PEAR1: variants seen among roughly 807,000 people sequenced by gnomAD.
The protein encoded by PEAR1 is platelet endothelial aggregation receptor 1.
Under a neutral mutation model 131.2 loss-of-function variants are expected in PEAR1, and 113 were observed. The observed-to-expected ratio is 0.86, with a 90% confidence interval of 0.74 to 1.01. The LOEUF (loss-of-function observed/expected upper bound fraction) is 1.01. Ranked by LOEUF, PEAR1 falls within the 50% of genes least tolerant of loss-of-function variation. PEAR1 has a pLI of 0.00. For synonymous variants in PEAR1, 565 were observed against 523.3 expected (o/e 1.08, Z -1.09); for missense variants, 1,408 against 1,391.1 (o/e 1.01, Z -0.19).
chr1:156,906,759 C>T lies in PEAR1; in HGVS notation c.523C>T (p.Leu175Phe), dbSNP rs1282338925. Residue 175 changes from leucine (L) to phenylalanine (F), a missense_variant, in exon 6 of 23, where the codon CTT becomes TTT. By Grantham distance (22) the Leu-to-Phe change is conservative. Transcript: ENST00000292357. ...TTCTGGTCTGCAGCCCCCGAACTGC[C>T]TTCAGCCCTGTACCCCTGGCTACTA... is the stretch of plus-strand genomic sequence containing the variant. Reference protein sequence around the residue: ...CPSGLQPPNCLQPCTPGYYGP... With the variant: ...CPSGLQPPNCFQPCTPGYYGP... 1 of 1,614,246 alleles carries T rather than the reference C, an allele frequency of 6.2e-7. No homozygotes were observed. Among genetic ancestry groups the T allele is most frequent in the East Asian group, 2.2e-5 (1 of 44,886 alleles).
intron 15 of PEAR1, among the ~76,000 whole-genome samples, chr1:156,911,746 G>A (rs2101536236): frequency 6.6e-6 from 1 of 152,272 alleles, no homozygotes; most frequent in Non-Finnish European, 1.5e-5. Flanking sequence ...TTTGGAAAGA[G>A]GAAACAGGCT....
intron 2 of PEAR1, 140 bp downstream of exon 2, chr1:156,904,167 T>C (rs896966335): frequency 6.6e-5 from 46 of 692,312 alleles, no homozygotes; most frequent in Non-Finnish European, 9.6e-5. Context: ...CCTATTTCTC[T>C]GTTTCTGCTC....
In PEAR1 at chr1:156,908,529, C is replaced by T; in HGVS notation, c.1116-126C>T. On this transcript the variant is annotated intron_variant, in intron 9 of 22. Coordinates refer to ENST00000292357, the MANE Select transcript of PEAR1 (RefSeq NM_001080471.3). The surrounding 1 kb of genome is among the most constrained non-coding windows in gnomAD (Gnocchi z 4.2). ...CCCCAACCCAGTTTTCAGAATAGCG[C>T]GGAGCCTCCCTAGTGACCCCCTTAC... The T allele has an allele frequency of 2.5e-6, 3 of 1,210,670 alleles. No homozygotes were observed. The highest frequency in any genetic ancestry group is 3.4e-6 in the Non-Finnish European group (3 of 893,606). The allele number at this position is 1,210,670 out of a possible 1,614,324, so 75.0% of individuals were successfully genotyped here.
In PEAR1 at chr1:156,910,652, G is replaced by T; in HGVS notation, c.1860G>T (p.Val620=). 3 of 1,614,148 alleles carry T rather than the reference G, an allele frequency of 1.9e-6. No homozygotes were observed. The highest frequency in any genetic ancestry group is 2.5e-6 in the Non-Finnish European group (3 of 1,180,036). ...CTGGCCGCTATGGCAAACGCTGTGT[G>T]CCCTGCAAGTGCGCTAACCACTCCT... ...CQPGRYGKRC[V]PCKCANHSFC... The change falls in exon 15 of 23, where the codon GTG becomes GTT. Residue 620 remains valine, a synonymous_variant. Transcript: ENST00000292357.
Position 156,908,030 on chromosome 1 carries a change from C to T in PEAR1, c.881C>T (p.Ala294Val), listed in dbSNP as rs1432822384. ...CGATTCACTGGGCAGTGCCGCTGCG[C>T]TCCGGGTTACACTGGGGATCGGTGA... is the stretch of plus-strand genomic sequence containing the variant. ...CDRFTGQCRC[A>V]PGYTGDRCRE... is the part of the protein sequence containing the mutation. The change falls in exon 8 of 23, where the codon GCT becomes GTT. Residue 294 changes from alanine to valine, a missense_variant. Ala to Val is a moderately conservative substitution (Grantham distance 64, BLOSUM62 0). Transcript: ENST00000292357. The surrounding 1 kb of genome is among the most constrained non-coding windows in gnomAD (Gnocchi z 4.2). 1 of 1,574,960 alleles carries T rather than the reference C, an allele frequency of 6.3e-7. No homozygotes were observed. Among genetic ancestry groups the T allele is most frequent in the Non-Finnish European group, 8.6e-7 (1 of 1,160,122 alleles).
intron 2 of PEAR1, among the ~76,000 whole-genome samples, chr1:156,904,263 C>G (rs1393942182): frequency 6.6e-6 from 1 of 152,118 alleles, no homozygotes; most frequent in Non-Finnish European, 1.5e-5. Flanking sequence ...TCTCTTTCCC[C>G]GTCCCTTAGT....
chr1:156,907,818 G>T (rs1033408196), intron 7 of PEAR1, 88 bp downstream of exon 7: 25 of 1,566,102 alleles, frequency 1.6e-5, no homozygotes, highest in Non-Finnish European at 2.1e-5. Flanking sequence ...GGTGAGTGAG[G>T]GGGGTGAGCT....
At chr1:156,904,923 C>T (rs749284708) in intron 3 of PEAR1, 71 bp downstream of exon 3, 2 of 1,600,960 alleles carry the variant, frequency 1.2e-6, no homozygotes, top group Admixed American at 1.7e-5. Flanking sequence ...CCCTGGCCCT[C>T]TGTACCTGTT....
chr1:156,905,058 T>C (rs1650091362), intron 3 of PEAR1: 14 of 1,461,110 alleles, frequency 9.6e-6, no homozygotes, highest in Non-Finnish European at 1.3e-5. Flanking sequence ...TACGCATGCA[T>C]GTTACAGTAT....
Position 156,908,229 on chromosome 1 carries a change from T to G in PEAR1, c.1004T>G (p.Leu335Arg). The G allele has an allele frequency of 6.2e-7, 1 of 1,602,116 alleles. No homozygotes were observed. ...TGCTTCCCGGCCAACGGCGCATGTCTGTGCGAACACGGCTTCACTGGGGAC... is the reference window on the plus strand; with the variant it reads ...TGCTTCCCGGCCAACGGCGCATGTCGGTGCGAACACGGCTTCACTGGGGAC... ...ARCFPANGAC[L>R]CEHGFTGDRC... is the part of the protein sequence containing the mutation. Residue 335 changes from leucine (L) to arginine (R), a missense_variant, in exon 9 of 23, where the codon CTG becomes CGG. By Grantham distance (102) the Leu-to-Arg change is moderately radical. Transcript: ENST00000292357. The surrounding 1 kb of genome is among the most constrained non-coding windows in gnomAD (Gnocchi z 4.2).
intron 18 of PEAR1, 30 bp downstream of exon 18, chr1:156,913,012 T>C: frequency 6.2e-7 from 1 of 1,612,214 alleles, no homozygotes; most frequent in Non-Finnish European, 8.5e-7. Context: ...GGGGCACAGA[T>C]GAGTGGCTGG....
In PEAR1 at chr1:156,907,612, G is replaced by C. The variant is rs761834134; in HGVS notation, c.647G>C (p.Cys216Ser). Residue 216 changes from cysteine to serine, a missense_variant and splice_region_variant, in exon 7 of 23, where the codon TGT becomes TCT. Transcript: ENST00000292357. Reference protein sequence around the residue: ...FCPAERTGPSCDVSCSQGTSG... With the variant: ...FCPAERTGPSSDVSCSQGTSG... ...ACTCCACCCACTCTGTCCTGCAGCT[G>C]TGACGTGTCCTGTTCCCAGGGCACT... is the stretch of plus-strand genomic sequence containing the variant. 1 of 1,611,480 alleles carries C rather than the reference G, an allele frequency of 6.2e-7. No individual in the cohort carries two copies. The highest frequency in any genetic ancestry group is 1.7e-5 in the Admixed American group (1 of 59,478).
chr1:156,914,094 A>G lies in PEAR1; in HGVS notation c.2956A>G (p.Ile986Val). The G allele has an allele frequency of 6.3e-7, 1 of 1,592,810 alleles. No individual in the cohort carries two copies. Residue 986 changes from isoleucine to valine, a missense_variant, in exon 22 of 23, where the codon ATC becomes GTC. By Grantham distance (29) the Ile-to-Val change is conservative. Coordinates refer to ENST00000292357, the MANE Select transcript of PEAR1 (RefSeq NM_001080471.3). ...SGTYEQPSPL[I>V]HDRDSVGSQP... is the part of the protein sequence containing the mutation. ...CACCTACGAGCAGCCCAGCCCCCTG[A>G]TCCATGGTGAGCCCTCCCTCTCCAC...
At position 156,906,271 on chromosome 1, in the gene PEAR1, C is replaced by T. The variant is rs374807643; in HGVS notation, c.308-5C>T. ...CACATCTCACCACACCCATCTCTGT[C>T]CCAGCGCTCTGTGCCCAGGAGTGTG... On this transcript the variant is annotated splice_region_variant and splice_polypyrimidine_tract_variant and intron_variant, in intron 4 of 22. Coordinates refer to ENST00000292357, the MANE Select transcript of PEAR1 (RefSeq NM_001080471.3). 2.7e-5 allele frequency: 43 copies of T among 1,613,930 alleles called. No individual in the cohort carries two copies. The African/African-American group carries it at 4.3e-4, about 16-fold the overall frequency.
In PEAR1 at chr1:156,906,263, A is replaced by T. The variant is rs1650285755; in HGVS notation, c.308-13A>T. 6.2e-7 allele frequency: 1 copy of T among 1,613,654 alleles called. No homozygotes were observed. The highest frequency in any genetic ancestry group is 1.7e-5 in the Admixed American group (1 of 59,998). Reference sequence around the variant, plus strand: ...GGGGTGGACACATCTCACCACACCCATCTCTGTCCCAGCGCTCTGTGCCCA... The same window carrying T: ...GGGGTGGACACATCTCACCACACCCTTCTCTGTCCCAGCGCTCTGTGCCCA... On this transcript the variant is annotated splice_polypyrimidine_tract_variant and intron_variant, in intron 4 of 22. Coordinates refer to ENST00000292357, the MANE Select transcript of PEAR1 (RefSeq NM_001080471.3).
At chr1:156,904,965 C>T in intron 3 of PEAR1, 113 bp downstream of exon 3, 1 of 1,563,480 alleles carries the variant, frequency 6.4e-7, no homozygotes, top group Non-Finnish European at 8.7e-7. Flanking sequence ...AAACTCCTGG[C>T]TTCTAGGGAT....
chr1:156,894,514 C>A (rs111712400), intron 1 of PEAR1, among the ~76,000 whole-genome samples: 15 of 152,186 alleles, frequency 9.9e-5, no homozygotes, highest in African/African-American at 3.4e-4. Flanking sequence ...GTCCCTGGCT[C>A]TCACATCTTT....
chr1:156,911,070 T>TTTCTTTC (rs1651046765), intron 15 of PEAR1, among the ~76,000 whole-genome samples: 4 of 113,476 alleles, frequency 3.5e-5, no homozygotes, highest in African/African-American at 1.6e-4. Context: ...TCTTTCTTTC[T>TTTCTTTC]TTCTTTCTTT....
In PEAR1 at chr1:156,905,311, C is replaced by T. The variant is rs1173816758; in HGVS notation, c.207-13C>T. Reference sequence around the variant, plus strand: ...GCAGGGAGGGCTGAGGGCCGCCTTCCTGGCCTCCGCAGGGTTGTATACCGG... The same window carrying T: ...GCAGGGAGGGCTGAGGGCCGCCTTCTTGGCCTCCGCAGGGTTGTATACCGG... On this transcript the variant is annotated splice_polypyrimidine_tract_variant and intron_variant, in intron 3 of 22. Coordinates refer to ENST00000292357, the MANE Select transcript of PEAR1 (RefSeq NM_001080471.3). The T allele has an allele frequency of 1.2e-6, 2 of 1,609,532 alleles. No individual in the cohort carries two copies. The highest frequency in any genetic ancestry group is 8.5e-7 in the Non-Finnish European group (1 of 1,179,326).
Sources: gnomAD v4.1 joint callset for allele counts (sites outside exome capture counted in the v4.1 genomes callset) on GRCh38, gnomAD v4.1.1 for gene constraint, Gnocchi (gnomAD v3.1) non-coding constraint, MANE v1.5 for transcripts, NCBI Gene and HGNC (gene_info 2026-07-23, HGNC 2026-07-21) for gene names.